Variants in SLC6A13 observed in about 807,000 individuals in gnomAD.
SLC6A13 encodes solute carrier family 6 member 13.
In SLC6A13, 69 loss-of-function variants were observed where a neutral mutation model predicts 72.9. That is an observed-to-expected ratio of 0.95 (90% confidence interval 0.78 to 1.16). The LOEUF is 1.16. Ranked by LOEUF, SLC6A13 falls within the 50% of genes most tolerant of loss-of-function variation. The pLI is 0.00. For missense variants in SLC6A13, 735 were observed against 760.5 expected (o/e 0.97, Z 0.39); for synonymous variants, 303 against 303.0 (o/e 1.00, Z 0.00).
intron 1 of SLC6A13, among the ~76,000 whole-genome samples, chr12:260,945 T>G (rs1033166465): frequency 1.3e-5 from 2 of 152,142 alleles, no homozygotes; most frequent in Admixed American, 6.5e-5. Flanking sequence ...TGTCAAAGGA[T>G]TGGGAGAGGT....
At chr12:229,928 G>C (rs1286478130) in intron 7 of SLC6A13, among the ~76,000 whole-genome samples, 1 of 152,120 alleles carries the variant, frequency 6.6e-6, no homozygotes, top group Admixed American at 6.5e-5. Context: ...GACTGAATTG[G>C]GGGAGAGGTT....
chr12:257,130 G>A (rs1942772155), intron 2 of SLC6A13: 1 of 152,024 alleles, frequency 6.6e-6, no homozygotes, highest in South Asian at 2.1e-4. Context: ...CTCTGTAGGA[G>A]TTTGCTTTGC....
chr12:237,892 C>G, intron 5 of SLC6A13, 34 bp downstream of exon 5: 1 of 1,470,274 alleles, frequency 6.8e-7, no homozygotes, highest in South Asian at 1.1e-5. Flanking sequence ...TCTGAACACA[C>G]GGCCCACAGT....
intron 1 of SLC6A13, among the ~76,000 whole-genome samples, chr12:261,389 C>T (rs945371077): frequency 3.3e-5 from 5 of 152,228 alleles, no homozygotes; most frequent in African/African-American, 7.2e-5. Flanking sequence ...CTTAAACCCA[C>T]TCTGCCCCTG....
rs187350512 is a variant in SLC6A13, at chr12:224,652, G to C, written c.1061-139C>G. 4.6e-6 allele frequency: 3 copies of C among 652,544 alleles called. No individual in the cohort carries two copies. In the African/African-American group the frequency reaches 5.5e-5, roughly 12 times the overall value. 40.4% of individuals were successfully genotyped at this position (652,544 alleles called of 1,614,324 possible). A position where few individuals can be genotyped will look rare whatever the true frequency, so the allele number is the denominator to read the frequency against. On this transcript the variant is annotated intron_variant, in intron 9 of 14. Transcript: ENST00000343164. ...ACCCCAAAGTTGCTGTCACCACCAC[G>C]TCCTCACCTAGGAGAAGCCACCCCA... is the stretch of plus-strand genomic sequence containing the variant.
At position 254,274 on chromosome 12, in the gene SLC6A13, T is replaced by C. The variant is rs1408738688; in HGVS notation, c.202+5577A>G. ...GCTACGCAGGACTCACATGGCCCCCTTCCGCCCAGAAGGGAAATACACAAG... is the reference window on the plus strand; with the variant it reads ...GCTACGCAGGACTCACATGGCCCCCCTCCGCCCAGAAGGGAAATACACAAG... On this transcript the variant is annotated intron_variant, in intron 2 of 14. Transcript: ENST00000343164. The surrounding 1 kb of genome is among the most constrained non-coding windows in gnomAD (Gnocchi z 4.4). Among the ~76,000 whole-genome samples, 1 of 152,230 alleles carries C rather than the reference T, an allele frequency of 6.6e-6. No homozygotes were observed. Among genetic ancestry groups the C allele is most frequent in the African/African-American group, 2.4e-5 (1 of 41,470 alleles).
chr12:262,598 C>A (rs1053740954), intron 1 of SLC6A13, 191 bp downstream of exon 1: 1 of 682,268 alleles, frequency 1.5e-6, no homozygotes, highest in African/African-American at 1.9e-5. Flanking sequence ...TCACTTAAGT[C>A]AACAGCCACC....
chr12:242,238 T>C (rs898626790), intron 4 of SLC6A13, among the ~76,000 whole-genome samples: 1 of 152,172 alleles, frequency 6.6e-6, no homozygotes, highest in African/African-American at 2.4e-5. Flanking sequence ...CTGCCACCCC[T>C]GACAAGCAAG....
intron 9 of SLC6A13, 43 bp from the exon 10 acceptor site, chr12:224,556 G>C: frequency 2.0e-6 from 3 of 1,533,408 alleles, no homozygotes; most frequent in Non-Finnish European, 1.8e-6. Flanking sequence ...GCCCGGGCCA[G>C]CTCCAGGCTG....
chr12:246,938 G>A (rs1457647203), intron 2 of SLC6A13, among the ~76,000 whole-genome samples: 4 of 150,356 alleles, frequency 2.7e-5, no homozygotes, highest in Non-Finnish European at 5.9e-5. Flanking sequence ...AACCTGGGAG[G>A]TGGAGGTTGC....
intron 1 of SLC6A13, among the ~76,000 whole-genome samples, chr12:261,137 A>G (rs1282916136): frequency 1.3e-5 from 2 of 152,198 alleles, no homozygotes; most frequent in African/African-American, 4.8e-5. Flanking sequence ...TTAACCATTC[A>G]CTGTCAGAAA....
At chr12:258,147 A>G (rs1468928601) in intron 2 of SLC6A13, among the ~76,000 whole-genome samples, 1 of 152,202 alleles carries the variant, frequency 6.6e-6, no homozygotes, top group Non-Finnish European at 1.5e-5. Flanking sequence ...TCACAGTGCA[A>G]ACTGAGCAAA....
Position 260,019 on chromosome 12 carries a change from C to T in SLC6A13, c.34G>A (p.Gly12Arg), listed in dbSNP as rs763455338. Residue 12 changes from glycine (G) to arginine (R), a missense_variant, in exon 2 of 15, where the codon GGA becomes AGA. Gly to Arg is a moderately radical substitution (Grantham distance 125). Coordinates refer to ENST00000343164, the MANE Select transcript of SLC6A13 (RefSeq NM_016615.5). ...ACTGGATACACTGGTTTTGTCTCTC[C>T]ATTACTGGTTGTGCCTGAGACCCTG... Reference protein sequence around the residue: ...DSRVSGTTSNGETKPVYPVME... With the variant: ...DSRVSGTTSNRETKPVYPVME... The T allele has an allele frequency of 3.7e-6, 6 of 1,614,172 alleles. No individual in the cohort carries two copies. The highest frequency in any genetic ancestry group is 5.1e-6 in the Non-Finnish European group (6 of 1,180,012).
At chr12:226,672 C>T in intron 8 of SLC6A13, 158 bp from the exon 9 acceptor site, 12 of 804,300 alleles carry the variant, frequency 1.5e-5, no homozygotes, top group Non-Finnish European at 2.1e-5. Context: ...TTCAGAGGAC[C>T]ACGCAAAGCA....
At chr12:256,249 C>T (rs929810006) in intron 2 of SLC6A13, among the ~76,000 whole-genome samples, 8 of 152,302 alleles carry the variant, frequency 5.3e-5, no homozygotes, top group Non-Finnish European at 1.5e-5. Context: ...TCCCAACCAC[C>T]TAGAACAGTT....
rs1028850879 is a variant in SLC6A13, at chr12:223,234, C to T, written c.1312G>A (p.Gly438Ser). 41 of 1,599,632 alleles carry T rather than the reference C, an allele frequency of 2.6e-5. No homozygotes were observed. Among genetic ancestry groups the T allele is most frequent in the Non-Finnish European group, 3.4e-5 (40 of 1,168,154 alleles). Residue 438 changes from glycine (G) to serine (S), a missense_variant and splice_region_variant, in exon 12 of 15, where the codon GGC becomes AGC. Gly to Ser is a moderately conservative substitution (Grantham distance 56). Coordinates refer to ENST00000343164, the MANE Select transcript of SLC6A13 (RefSeq NM_016615.5). ...AAGAGCTGGAACACGTACATTCCGC[C>T]CTGCATGGGAGGAGATTATTTTAAA... ...FLVGLIMLTE[G>S]GMYVFQLFDY...
At chr12:238,729 G>A (rs916067931) in intron 4 of SLC6A13, among the ~76,000 whole-genome samples, 1 of 152,144 alleles carries the variant, frequency 6.6e-6, no homozygotes, top group African/African-American at 2.4e-5. Flanking sequence ...GAAATGGCCT[G>A]TATCTGCTCA....
At chr12:240,390 A>G (rs950619072) in intron 4 of SLC6A13, among the ~76,000 whole-genome samples, 1 of 152,172 alleles carries the variant, frequency 6.6e-6, no homozygotes, top group Non-Finnish European at 1.5e-5. Flanking sequence ...TTTTCAGTAG[A>G]GATGGGGTTT....
chr12:227,850 T>C (rs893536341), intron 7 of SLC6A13, among the ~76,000 whole-genome samples, 182 bp from the exon 8 acceptor site: 2 of 152,210 alleles, frequency 1.3e-5, no homozygotes, highest in African/African-American at 4.8e-5. Context: ...CCTGGACTCC[T>C]AGGTGAAGTT....
Sources: gnomAD v4.1 joint callset for allele counts (sites outside exome capture counted in the v4.1 genomes callset) on GRCh38, gnomAD v4.1.1 for gene constraint, Gnocchi (gnomAD v3.1) non-coding constraint, MANE v1.5 for transcripts, NCBI Gene and HGNC (gene_info 2026-07-23, HGNC 2026-07-21) for gene names.